The following GRIP1 variants were observed in gnomAD, a reference collection of about 807,000 sequenced individuals.
GRIP1 encodes glutamate receptor interacting protein 1.
Under a neutral mutation model 129.9 loss-of-function variants are expected in GRIP1, and 45 were observed. That is an observed-to-expected ratio of 0.35 (90% confidence interval 0.27 to 0.44). The LOEUF (loss-of-function observed/expected upper bound fraction) is 0.44. Ranked by LOEUF, GRIP1 falls within the 20% of genes least tolerant of loss-of-function variation. GRIP1 has a pLI of 1.00. For missense variants in GRIP1, 1,196 were observed against 1,396.8 expected (o/e 0.86, Z 2.29); for synonymous variants, 530 against 520.8 (o/e 1.02, Z -0.24).
chr12:66,965,707 C>CT (rs965781335), intron 1 of GRIP1, among the ~76,000 whole-genome samples: 1 of 152,044 alleles, frequency 6.6e-6, no homozygotes, highest in African/African-American at 2.4e-5. Flanking sequence ...GCTATTTTCT[C>CT]TTTTCATTAT....
At chr12:66,494,163 C>T (rs561006941) in intron 7 of GRIP1, among the ~76,000 whole-genome samples, 9 of 152,268 alleles carry the variant, frequency 5.9e-5, no homozygotes, top group Non-Finnish European at 1.0e-4. Flanking sequence ...AGGTGCTTAA[C>T]ATTAAATATT....
intron 1 of GRIP1, among the ~76,000 whole-genome samples, chr12:67,029,578 CAAAA>C (rs10563216): frequency 1.6e-4 from 14 of 88,464 alleles, no homozygotes; most frequent in Non-Finnish European, 2.2e-4. Context: ...GACCCTGACT[CAAAA>C]AAAAAAAAAA....
At position 66,348,010 on chromosome 12, in the gene GRIP1, A is replaced by G. The variant is rs2137040793; in HGVS notation, c.*1009T>C. On this transcript the variant is annotated 3_prime_UTR_variant, in exon 25 of 25. Transcript: ENST00000359742. ...ACATTTAAAGCAACTGTCACAATTTATTGCTTTGAGGGATGGTAATAATTG... is the reference window on the plus strand; with the variant it reads ...ACATTTAAAGCAACTGTCACAATTTGTTGCTTTGAGGGATGGTAATAATTG... 6.6e-6 allele frequency: 1 copy of G among 152,348 alleles called. No individual in the cohort carries two copies. The highest frequency in any genetic ancestry group is 1.5e-5 in the Non-Finnish European group (1 of 68,024). 9.4% of individuals were successfully genotyped at this position (152,348 alleles called of 1,614,324 possible). A position where few individuals can be genotyped will look rare whatever the true frequency, so the allele number is the denominator to read the frequency against.
In GRIP1 at chr12:66,704,047, T is replaced by C. The variant is rs980919343; in HGVS notation, c.-419-73711A>G. Among the ~76,000 whole-genome samples the C allele has an allele frequency of 1.1e-4, 16 of 151,900 alleles. No homozygotes were observed. The East Asian group carries it at 3.1e-3, about 29-fold the overall frequency. On this transcript the variant is annotated intron_variant, in intron 1 of 4. Coordinates refer to the GRIP1 transcript ENST00000538373. ...AAAGAATAGATAGACCTAAAGCAGATCCCAGAATAAAAAGAATATAGTAGA... is the reference window on the plus strand; with the variant it reads ...AAAGAATAGATAGACCTAAAGCAGACCCCAGAATAAAAAGAATATAGTAGA...
chr12:66,812,037 C>A (rs985200402), intron 1 of GRIP1, among the ~76,000 whole-genome samples: 1 of 152,176 alleles, frequency 6.6e-6, no homozygotes, highest in Non-Finnish European at 1.5e-5. Context: ...GGGTTAATAG[C>A]AAGTATTTTA....
intron 1 of GRIP1, among the ~76,000 whole-genome samples, chr12:66,755,693 G>A (rs1476178038): frequency 6.6e-6 from 1 of 152,148 alleles, no homozygotes; most frequent in Non-Finnish European, 1.5e-5. Context: ...TGGATTCTCT[G>A]GCCACTCACA....
At chr12:66,388,523 G>A (rs569891971) in intron 19 of GRIP1, among the ~76,000 whole-genome samples, 5 of 152,274 alleles carry the variant, frequency 3.3e-5, no homozygotes, top group South Asian at 2.1e-4. Flanking sequence ...GCAGTCATAG[G>A]GTTTTCTCAG....
chr12:66,486,418 A>C (rs1238034582), intron 7 of GRIP1, among the ~76,000 whole-genome samples: 1 of 152,142 alleles, frequency 6.6e-6, no homozygotes, highest in Non-Finnish European at 1.5e-5. Context: ...GTCCCCACCC[A>C]AATCTCATCT....
intron 7 of GRIP1, among the ~76,000 whole-genome samples, chr12:66,491,291 T>A (rs4913518): frequency 0.73 from 111,637 of 152,130 alleles, 42,192 homozygotes; most frequent in African/African-American, 0.91. Context: ...CCATATAAAA[T>A]ACCAGATCAT....
chr12:66,804,056 G>A (rs1461806040), exon 1 of GRIP1: 2 of 453,260 alleles, frequency 4.4e-6, no homozygotes, highest in South Asian at 1.6e-5. Context: ...CGCTTACTTC[G>A]AAAATGCTCT....
intron 1 of GRIP1, among the ~76,000 whole-genome samples, chr12:66,703,487 C>T (rs2035419915): frequency 6.6e-6 from 1 of 152,030 alleles, no homozygotes; most frequent in Non-Finnish European, 1.5e-5. Context: ...TGGAGGCAAT[C>T]ATTCCTGCTG....
intron 1 of GRIP1, among the ~76,000 whole-genome samples, chr12:66,990,279 A>C (rs1010213171): frequency 4.6e-5 from 7 of 152,184 alleles, no homozygotes; most frequent in South Asian, 2.1e-4. Context: ...TATGTTTTAG[A>C]AATTTTGGTT....
At chr12:66,668,212 A>C (rs2033897600) in intron 1 of GRIP1, among the ~76,000 whole-genome samples, 1 of 152,180 alleles carries the variant, frequency 6.6e-6, no homozygotes, top group African/African-American at 2.4e-5. Flanking sequence ...ACAAGGAATT[A>C]ATCACTCTTG....
At chr12:66,698,298 T>C (rs2035234709) in intron 1 of GRIP1, among the ~76,000 whole-genome samples, 1 of 152,198 alleles carries the variant, frequency 6.6e-6, no homozygotes, top group Non-Finnish European at 1.5e-5. Context: ...TTGTACTTAA[T>C]TTAGAAAGAA....
intron 1 of GRIP1, among the ~76,000 whole-genome samples, chr12:66,671,872 A>G (rs2034098612): frequency 6.6e-6 from 1 of 152,234 alleles, no homozygotes; most frequent in Admixed American, 6.5e-5. Flanking sequence ...GTGAAGATAC[A>G]TGAAGGCAAC....
intron 2 of GRIP1, among the ~76,000 whole-genome samples, chr12:66,554,490 A>G (rs752615036): frequency 7.2e-5 from 11 of 151,930 alleles, no homozygotes; most frequent in Non-Finnish European, 1.3e-4. Flanking sequence ...GCCATGAGGA[A>G]AGACTCTGCT....
intron 8 of GRIP1, among the ~76,000 whole-genome samples, chr12:66,464,648 T>C (rs1178632615): frequency 1.3e-5 from 2 of 152,172 alleles, no homozygotes; most frequent in Non-Finnish European, 2.9e-5. Flanking sequence ...TAGGACACAG[T>C]AAGAAAACTT....
intron 7 of GRIP1, among the ~76,000 whole-genome samples, chr12:66,506,336 A>T (rs187386498): frequency 1.3e-5 from 2 of 152,364 alleles, no homozygotes; most frequent in East Asian, 3.9e-4. Flanking sequence ...TATTCACACA[A>T]TGGAATACTA....
At chr12:66,578,428 C>T (rs903232482) in intron 2 of GRIP1, among the ~76,000 whole-genome samples, 20 of 151,926 alleles carry the variant, frequency 1.3e-4, no homozygotes, top group East Asian at 1.9e-4. Context: ...TGCAGCGCAC[C>T]GTGCGCGAGC....
Sources: gnomAD v4.1 joint callset for allele counts (sites outside exome capture counted in the v4.1 genomes callset) on GRCh38, gnomAD v4.1.1 for gene constraint, MANE v1.5 for transcripts, NCBI Gene and HGNC (gene_info 2026-07-23, HGNC 2026-07-21) for gene names.